The following ITLN1 variants were observed in gnomAD, a reference collection of about 807,000 sequenced individuals.
ITLN1 encodes the protein intelectin-1.
A neutral mutation model predicts 36.2 loss-of-function variants in ITLN1; 29 were observed. That is an observed-to-expected ratio of 0.80 (90% CI 0.60 to 1.09). The LOEUF is 1.09. ITLN1 is among the 50% of genes least tolerant of loss of function. The pLI is 0.00. For missense variants in ITLN1, 358 were observed against 405.2 expected, an observed-to-expected ratio of 0.88 and a Z score of 1.00; for synonymous variants, 143 against 146.5, an observed-to-expected ratio of 0.98 and a Z score of 0.17.
At chr1:160,882,431 A>G (rs756307329) in intron 3 of ITLN1, 4 of 450,906 alleles carry the variant, frequency 8.9e-6, no homozygotes, top group Non-Finnish European at 1.5e-5. Flanking sequence ...GACATTTTTC[A>G]TAAAGTTAAA....
intron 3 of ITLN1, among the ~76,000 whole-genome samples, chr1:160,883,005 A>C (rs1188858802): frequency 6.6e-6 from 1 of 152,026 alleles, no homozygotes; most frequent in Non-Finnish European, 1.5e-5. Flanking sequence ...AAGTAGCTGG[A>C]ATTACAAACA....
Position 160,882,156 on chromosome 1 carries a change from A to G in ITLN1, c.206T>C (p.Phe69Ser). 1 of 1,609,690 alleles carries G rather than the reference A, an allele frequency of 6.2e-7. No individual in the cohort carries two copies. ...RTENGVIYQTFCDMTSGGGGW... is the reference protein window; with the variant it reads ...RTENGVIYQTSCDMTSGGGGW... ...GCCACCCCCAGAGGTCATGTCACAG[A>G]AGGTCTGGTAGATAACACCATTCTC... The change falls in exon 4 of 8, where the codon TTC becomes TCC. Residue 69 changes from phenylalanine (F) to serine (S), a missense_variant. Coordinates refer to ENST00000326245, the MANE Select transcript of ITLN1 (RefSeq NM_017625.3).
Position 160,881,262 on chromosome 1 carries a change from C to T in ITLN1, c.456G>A (p.Val152=). Residue 152 remains valine, a synonymous_variant, in exon 5 of 8, where the codon GTG becomes GTA. Transcript: ENST00000326245. ...AGTGCTGCATGGGGGACTTATTGGG[C>T]ACGTGCCAGATGCCCAGGTCCTTGG... ...IQAKDLGIWH[V]PNKSPMQHWR... The T allele has an allele frequency of 6.2e-7, 1 of 1,612,222 alleles. No homozygotes were observed. The highest frequency in any genetic ancestry group is 8.5e-7 in the Non-Finnish European group (1 of 1,179,036).
At position 160,877,776 on chromosome 1, in the gene ITLN1, G is replaced by A. The variant is rs145013375; in HGVS notation, c.790-960C>T. On this transcript the variant is annotated intron_variant, in intron 7 of 7. Transcript: ENST00000326245. ...GGTGGGGCCTTGTGGGAGGTGATTG[G>A]ATCATGGGGGTGGTTTCACATGAAT... Among the ~76,000 whole-genome samples, 32 of 152,300 alleles carry A rather than the reference G, an allele frequency of 2.1e-4. No individual in the cohort carries two copies. In the East Asian group the frequency reaches 5.2e-3, roughly 25 times the overall value.
chr1:160,882,190 G>GA lies in ITLN1; in HGVS notation c.171dup (p.Leu58SerfsTer4). 6.3e-7 allele frequency: 1 copy of GA among 1,580,858 alleles called. No homozygotes were observed. The highest frequency in any genetic ancestry group is 2.2e-5 in the East Asian group (1 of 44,568). On this transcript the variant is annotated frameshift_variant, in exon 4 of 8. Transcript: ENST00000326245. LOFTEE classifies it high-confidence loss of function. Reference sequence around the variant, plus strand: ...TAGATAACACCATTCTCAGTGCGGAGAAAATACAGGCCATCTGTAGAGAGA... The same window carrying GA: ...TAGATAACACCATTCTCAGTGCGGAGAAAAATACAGGCCATCTGTAGAGAGA...
intron 6 of ITLN1, 88 bp from the exon 7 acceptor site, chr1:160,879,502 C>G: frequency 1.0e-6 from 1 of 985,976 alleles, no homozygotes; most frequent in Non-Finnish European, 1.6e-6. Context: ...GATGCCAAAG[C>G]TCAGGCTACA....
At position 160,879,366 on chromosome 1, in the gene ITLN1, C is replaced by G. The variant is rs752866415; in HGVS notation, c.734G>C (p.Arg245Thr). 1.9e-6 allele frequency: 3 copies of G among 1,614,100 alleles called. No individual in the cohort carries two copies. The highest frequency in any genetic ancestry group is 4.5e-5 in the East Asian group (2 of 44,900). Residue 245 changes from arginine (R) to threonine (T), a missense_variant, in exon 7 of 8, where the codon AGA becomes ACA. Transcript: ENST00000326245. ...FVQFRVFNNE[R>T]AANALCAGMR... ...TCCAGCACACAAGGCGTTGGCTGCT[C>G]TCTCGTTATTAAATACCCTGAACTG...
At position 160,880,663 on chromosome 1, in the gene ITLN1, C is replaced by T. The variant is rs138910982; in HGVS notation, c.610G>A (p.Gly204Ser). 58 of 1,613,902 alleles carry T rather than the reference C, an allele frequency of 3.6e-5. No individual in the cohort carries two copies. The highest frequency in any genetic ancestry group is 1.2e-4 in the South Asian group (11 of 91,086). The change falls in exon 6 of 8, where the codon GGC becomes AGC. Residue 204 changes from glycine to serine, a missense_variant. Physicochemically the swap from Gly to Ser is moderately conservative, Grantham distance 56. Coordinates refer to ENST00000326245, the MANE Select transcript of ITLN1 (RefSeq NM_017625.3). ...TCATAGACCACAGGGATCACCGGGC[C>T]GTTGTCAGTCCAACACTTTCCTTCT... Reference protein sequence around the residue: ...YGEGKCWTDNGPVIPVVYDFG... With the variant: ...YGEGKCWTDNSPVIPVVYDFG...
rs1461505609 is a variant in ITLN1 at position 160,883,472 on chromosome 1, G to C, written c.113C>G (p.Pro38Arg). 6.2e-7 allele frequency: 1 copy of C among 1,613,686 alleles called. No homozygotes were observed. The highest frequency in any genetic ancestry group is 1.1e-5 in the South Asian group (1 of 91,060). Residue 38 changes from proline to arginine, a missense_variant, in exon 3 of 8, where the codon CCC becomes CGC. Coordinates refer to ENST00000326245, the MANE Select transcript of ITLN1 (RefSeq NM_017625.3). ...EWTCSSSPSLPRSCKEIKDEC... is the reference protein window; with the variant it reads ...EWTCSSSPSLRRSCKEIKDEC... ...GTCTTTGATTTCCTTGCAGCTTCTG[G>C]GCAGAGATGGAGACGAAGAACAGGT...
rs1324342976 is a variant in ITLN1 at position 160,883,495 on chromosome 1, G to C, written c.90C>G (p.Thr30=). 1 of 1,613,160 alleles carries C rather than the reference G, an allele frequency of 6.2e-7. No homozygotes were observed. Among genetic ancestry groups the C allele is most frequent in the South Asian group, 1.1e-5 (1 of 91,052 alleles). ...TGGGCAGAGATGGAGACGAAGAACAGGTCCATTCCTTGAAGTAAGTATTAG... is the reference window on the plus strand; with the variant it reads ...TGGGCAGAGATGGAGACGAAGAACACGTCCATTCCTTGAAGTAAGTATTAG... ...DEANTYFKEW[T]CSSSPSLPRS... is the part of the protein sequence containing the mutation. The change falls in exon 3 of 8, where the codon ACC becomes ACG. Residue 30 remains threonine, a synonymous_variant. Coordinates refer to ENST00000326245, the MANE Select transcript of ITLN1 (RefSeq NM_017625.3).
intron 5 of ITLN1, 38 bp from the exon 6 acceptor site, chr1:160,880,746 A>G: frequency 6.2e-7 from 1 of 1,610,990 alleles, no homozygotes. Context: ...AGTAAAGACA[A>G]TAGCTTTGCC....
At chr1:160,884,958 CT>C in intron 1 of ITLN1, 75 bp from the exon 2 acceptor site, 1 of 905,454 alleles carries the variant, frequency 1.1e-6, no homozygotes, top group Non-Finnish European at 1.8e-6. Flanking sequence ...CCTGTCCAGT[CT>C]TACAAAGACT....
intron 1 of ITLN1, 58 bp downstream of exon 1, chr1:160,885,003 C>T (rs1368725636): frequency 1.5e-6 from 1 of 658,060 alleles, no homozygotes; most frequent in South Asian, 1.8e-5. Flanking sequence ...AAACTTCACA[C>T]ATCTCTGAGA....
intron 2 of ITLN1, 81 bp downstream of exon 2, chr1:160,884,739 C>T (rs1192885383): frequency 4.2e-6 from 4 of 954,806 alleles, no homozygotes; most frequent in Non-Finnish European, 6.7e-6. Flanking sequence ...ATCTCAAGGA[C>T]ATGCTCTGTG....
Position 160,876,540 on chromosome 1 carries a change from T to A in ITLN1, c.*124A>T. The A allele has an allele frequency of 9.5e-7, 1 of 1,049,570 alleles. No homozygotes were observed. Among genetic ancestry groups the A allele is most frequent in the Non-Finnish European group, 1.4e-6 (1 of 717,528 alleles). The allele number at this position is 1,049,570 out of a possible 1,614,324, so 65.0% of individuals were successfully genotyped here. A position where few individuals can be genotyped will look rare whatever the true frequency, so the allele number is the denominator to read the frequency against. On this transcript the variant is annotated 3_prime_UTR_variant, in exon 8 of 8. Coordinates refer to ENST00000326245, the MANE Select transcript of ITLN1 (RefSeq NM_017625.3). The stretch of plus-strand genomic sequence containing the variant: ...AAGGAATTCACAGAAACACCAAGCC[T>A]TGAGTCAATATGATTTATTGTTTTC...
chr1:160,881,934 A>C, intron 4 of ITLN1, 23 bp downstream of exon 4: 1 of 1,613,394 alleles, frequency 6.2e-7, no homozygotes. Flanking sequence ...CCCTCACCCG[A>C]GTGGGTAAGA....
chr1:160,883,767 C>T (rs1013696931), intron 2 of ITLN1, among the ~76,000 whole-genome samples: 4 of 152,208 alleles, frequency 2.6e-5, no homozygotes, highest in East Asian at 1.9e-4. Context: ...GTCTGCCTCC[C>T]GCCACAAGAC....
intron 4 of ITLN1, 131 bp downstream of exon 4, chr1:160,881,819 AAAAAAAG>A (rs1670683975): frequency 2.6e-6 from 3 of 1,134,524 alleles, no homozygotes; most frequent in Non-Finnish European, 3.6e-6. Flanking sequence ...AAAAAAAAAA[AAAAAAAG>A]ATATAAGTAT....
rs1670733194 is a variant in ITLN1, at chr1:160,884,886, A to G, written c.-6-3T>C. ...AAGCTGAGTTGGTTCATTGTAATCT[A>G]AAGAAAGCAAGATGAAGGTCACCAT... On this transcript the variant is annotated splice_region_variant and splice_polypyrimidine_tract_variant and intron_variant, in intron 1 of 7. Transcript: ENST00000326245. 1 of 1,608,692 alleles carries G rather than the reference A, an allele frequency of 6.2e-7. No homozygotes were observed. Among genetic ancestry groups the G allele is most frequent in the African/African-American group, 1.3e-5 (1 of 74,944 alleles).
Sources: allele counts gnomAD v4.1 joint callset (sites outside exome capture counted in the v4.1 genomes callset), GRCh38; gene constraint gnomAD v4.1.1; transcripts MANE v1.5; gene names NCBI Gene and HGNC (gene_info 2026-07-23, HGNC 2026-07-21).